GSTM2: variants seen among roughly 807,000 people sequenced by gnomAD.
The protein encoded by GSTM2 is glutathione S-transferase mu 2.
Under a neutral mutation model 33.3 loss-of-function variants are expected in GSTM2, and 33 were observed. The ratio of observed to expected loss-of-function variants is 0.99; its 90% confidence interval spans 0.75 to 1.33. GSTM2 has a LOEUF of 1.33. GSTM2 is among the 40% of genes most tolerant of loss of function. The probability of loss-of-function intolerance (pLI) is 0.00; values close to 1 mark genes in which losing one functional copy is unlikely to be tolerated. For synonymous variants in GSTM2, 93 were observed against 95.6 expected (o/e 0.97, Z 0.16); for missense variants, 213 against 265.8 (o/e 0.80, Z 1.38).
chr1:109,682,310 G>A (rs1233600841), intron 7 of GSTM2, among the ~76,000 whole-genome samples: 1 of 46,056 alleles, frequency 2.2e-5, no homozygotes, highest in Non-Finnish European at 6.0e-5. Flanking sequence ...GCACTATCTC[G>A]GCTCACTGCA....
intron 4 of GSTM2, 22 bp from the exon 5 acceptor site, chr1:109,669,449 T>C: frequency 6.2e-7 from 1 of 1,613,340 alleles, no homozygotes; most frequent in South Asian, 1.1e-5. Flanking sequence ...AGGCTGAGAG[T>C]GAATCTGCTT....
At position 109,671,502 on chromosome 1, in the gene GSTM2, T is replaced by C. The variant is rs759871533; in HGVS notation, c.486T>C (p.Asp162=). The C allele has an allele frequency of 6.8e-6, 11 of 1,613,292 alleles. No individual in the cohort carries two copies. The highest frequency in any genetic ancestry group is 2.2e-5 in the East Asian group (1 of 44,876). Reference sequence around the variant, plus strand: ...CCTTTGTGGATTTCATCGCTTATGATGTCCTTGAGAGAAACCAAGTATTTG... The same window carrying C: ...CCTTTGTGGATTTCATCGCTTATGACGTCCTTGAGAGAAACCAAGTATTTG... ...KITFVDFIAY[D]VLERNQVFEP... The change falls in exon 7 of 8, where the codon GAT becomes GAC. Residue 162 remains aspartate, a synonymous_variant. Transcript: ENST00000241337.
At chr1:109,669,018 G>T in intron 3 of GSTM2, 29 bp downstream of exon 3, 1 of 1,608,382 alleles carries the variant, frequency 6.2e-7, no homozygotes. Context: ...GCGGTTTTGG[G>T]GGAAAGTGCG....
chr1:109,670,403 C>T (rs1274932718), intron 5 of GSTM2, among the ~76,000 whole-genome samples: 2 of 152,152 alleles, frequency 1.3e-5, no homozygotes, highest in African/African-American at 4.8e-5. Context: ...TACACGGGTC[C>T]TGTTTTCTGT....
At chr1:109,678,731 G>C (rs1647774113), downstream of GSTM2, among the ~76,000 whole-genome samples, 2 of 147,398 alleles carry the variant, frequency 1.4e-5, no homozygotes, top group Admixed American at 6.8e-5. Context: ...CTCCTCTCCA[G>C]CCTGGGCAAC....
At chr1:109,668,173 G>A (rs116803059) in intron 1 of GSTM2, 22 bp downstream of exon 1, 47,774 of 1,601,794 alleles carry the variant, frequency 0.03, 1,031 homozygotes, top group African/African-American at 0.074. Flanking sequence ...TCCGCTGGGC[G>A]GTGGGACGGG....
chr1:109,677,583 C>G (rs189851263), downstream of GSTM2, among the ~76,000 whole-genome samples: 6 of 152,148 alleles, frequency 3.9e-5, no homozygotes, highest in Non-Finnish European at 7.3e-5. Context: ...TCCACTTACA[C>G]GAAAATCAGG....
Position 109,669,493 on chromosome 1 carries a change from G to T in GSTM2, c.282G>T (p.Gln94His), listed in dbSNP as rs1647452708. The T allele has an allele frequency of 1.2e-6, 2 of 1,613,910 alleles. No individual in the cohort carries two copies. The highest frequency in any genetic ancestry group is 8.5e-7 in the Non-Finnish European group (1 of 1,179,910). Residue 94 changes from glutamine to histidine, a missense_variant, in exon 5 of 8, where the codon CAG becomes CAT. Coordinates refer to ENST00000241337, the MANE Select transcript of GSTM2 (RefSeq NM_000848.4). ...HNLCGESEKE[Q>H]IREDILENQF... The stretch of plus-strand genomic sequence containing the variant: ...TAGGCGGGGAATCAGAAAAGGAGCA[G>T]ATTCGCGAAGACATTTTGGAGAACC...
At chr1:109,668,328 A>C in intron 1 of GSTM2, 97 bp from the exon 2 acceptor site, 1 of 1,443,544 alleles carries the variant, frequency 6.9e-7, no homozygotes, top group Non-Finnish European at 9.7e-7. Flanking sequence ...CGGGTGAGGC[A>C]GGAACGAGAG....
At chr1:109,673,480 C>A in intron 7 of GSTM2, 1 of 527,220 alleles carries the variant, frequency 1.9e-6, no homozygotes, top group East Asian at 3.5e-5. Context: ...TTCCACTCCC[C>A]ATCAAGAGAT....
In GSTM2 at chr1:109,674,803, G is replaced by A. The variant is rs1472711493; in HGVS notation, c.624G>A (p.Val208=). The A allele has an allele frequency of 6.2e-6, 10 of 1,614,110 alleles. No individual in the cohort carries two copies. Among genetic ancestry groups the A allele is most frequent in the Non-Finnish European group, 8.5e-6 (10 of 1,180,058 alleles). The change falls in exon 8 of 8, where the codon GTG becomes GTA. Residue 208 remains valine, a synonymous_variant. Transcript: ENST00000241337. The part of the protein sequence containing the change: ...MKSSRFLPRP[V]FTKMAVWGNK ...CCAGCCGCTTCCTCCCAAGACCTGT[G>A]TTCACAAAGATGGCTGTCTGGGGCA... is the stretch of plus-strand genomic sequence containing the variant.
chr1:109,673,406 C>G (rs981788863), intron 7 of GSTM2: 1 of 886,918 alleles, frequency 1.1e-6, no homozygotes, highest in African/African-American at 1.7e-5. Flanking sequence ...TCCTACATTA[C>G]TACAGATTTG....
rs565065268 is a variant in GSTM2 at position 109,671,641 on chromosome 1, T to C, written c.567+58T>C. On this transcript the variant is annotated intron_variant, in intron 7 of 7. Transcript: ENST00000241337. ...TCTTATTCCTTTCCCTCCTTTGTGA[T>C]GCTTTCCCAGTCCTGGAGCTACACA... 37 of 993,510 alleles carry C rather than the reference T, an allele frequency of 3.7e-5. No homozygotes were observed. In the South Asian group the frequency reaches 3.9e-4, roughly 11 times the overall value. 61.5% of individuals were successfully genotyped at this position (993,510 alleles called of 1,614,324 possible). A position where few individuals can be genotyped will look rare whatever the true frequency, so the allele number is the denominator to read the frequency against.
intron 2 of GSTM2, 134 bp from the exon 3 acceptor site, chr1:109,668,791 G>A: frequency 9.4e-7 from 1 of 1,068,118 alleles, no homozygotes; most frequent in South Asian, 1.3e-5. Context: ...CTGAATCCTG[G>A]GATGTGGGAC....
At chr1:109,681,447 TTAA>T (rs1168046751) in intron 7 of GSTM2, among the ~76,000 whole-genome samples, 3 of 125,196 alleles carry the variant, frequency 2.4e-5, no homozygotes, top group Non-Finnish European at 5.0e-5. Context: ...ATTAAAAATA[TTAA>T]TAATAATAAA....
intron 1 of GSTM2, 92 bp downstream of exon 1, chr1:109,668,243 C>A: frequency 7.0e-7 from 1 of 1,418,934 alleles, no homozygotes; most frequent in Non-Finnish European, 9.9e-7. Context: ...GACGGTTCCT[C>A]TTCAGGGCTG....
At chr1:109,680,102 G>T (rs572649656), downstream of GSTM2, among the ~76,000 whole-genome samples, 16 of 147,736 alleles carry the variant, frequency 1.1e-4, no homozygotes, top group Non-Finnish European at 1.9e-4. Flanking sequence ...GAATGATACC[G>T]CTGGCTTTCC....
rs916318615 is a variant in GSTM2, at chr1:109,682,483, G to A, written c.567+10900G>A. ...TCTTGATCTCCTGACCTCGTGATCC[G>A]CCCGCCTTGGCCTCCCAAAGTGTGG... On this transcript the variant is annotated intron_variant, in intron 7 of 7. Coordinates refer to the GSTM2 transcript ENST00000369831. 6.2e-4 allele frequency among the ~76,000 whole-genome samples: 61 copies of A among 98,068 alleles called. 6 individuals carry two copies. Among genetic ancestry groups the A allele is most frequent in the South Asian group, 2.0e-3 (6 of 2,998 alleles). 64.3% of individuals were successfully genotyped at this position (98,068 alleles called of 152,430 possible).
At chr1:109,668,817 T>G in intron 2 of GSTM2, 108 bp from the exon 3 acceptor site, 1 of 1,298,574 alleles carries the variant, frequency 7.7e-7, no homozygotes, top group Non-Finnish European at 1.1e-6. Context: ...GGTCAGATTC[T>G]AGATCCACCT....
Sources: allele counts gnomAD v4.1 joint callset (sites outside exome capture counted in the v4.1 genomes callset), GRCh38; gene constraint gnomAD v4.1.1; transcripts MANE v1.5; gene names NCBI Gene and HGNC (gene_info 2026-07-23, HGNC 2026-07-21).